Variants in LARGE1 observed in about 807,000 individuals in gnomAD.
LARGE1 encodes the protein xylosyl- and glucuronyltransferase LARGE1.
LARGE1 carries 43 observed loss-of-function variants against 87.6 expected under a neutral mutation model. The observed-to-expected ratio is 0.49, with a 90% CI of 0.38 to 0.63. The LOEUF is 0.63. Ranked by LOEUF, LARGE1 falls within the 30% of genes least tolerant of loss-of-function variation. The pLI, the probability that LARGE1 is intolerant of heterozygous loss-of-function variation, is 0.00. For synonymous variants in LARGE1, 434 were observed against 394.6 expected (o/e 1.10, Z -1.18); for missense variants, 802 against 1,000.2 (o/e 0.80, Z 2.67).
intron 5 of LARGE1, among the ~76,000 whole-genome samples, chr22:33,581,212 C>CTT (rs1300925694): frequency 3.9e-5 from 6 of 152,166 alleles, no homozygotes; most frequent in Admixed American, 3.9e-4. Context: ...AAATTTGCCC[C>CTT]TTCTGACCTT....
chr22:33,854,373 G>A (rs2063697952), intron 1 of LARGE1, among the ~76,000 whole-genome samples: 1 of 152,074 alleles, frequency 6.6e-6, no homozygotes, highest in Non-Finnish European at 1.5e-5. Flanking sequence ...TGGTCTGGGA[G>A]CATCGGTTTC....
intron 2 of LARGE1, among the ~76,000 whole-genome samples, chr22:33,695,180 T>G (rs536145401): frequency 6.6e-6 from 1 of 151,148 alleles, no homozygotes; most frequent in Non-Finnish European, 1.5e-5. Flanking sequence ...CTCAGCTCAC[T>G]GCAACCTCTG....
intron 3 of LARGE1, among the ~76,000 whole-genome samples, chr22:33,627,765 T>C (rs2079967975): frequency 3.3e-5 from 5 of 152,132 alleles, no homozygotes; most frequent in Admixed American, 2.6e-4. Context: ...TTAACCCCAA[T>C]GACCTTCACC....
chr22:33,869,193 T>G (rs529355135), intron 1 of LARGE1, among the ~76,000 whole-genome samples: 9 of 152,290 alleles, frequency 5.9e-5, no homozygotes, highest in African/African-American at 2.2e-4. Flanking sequence ...ACTTAAGATT[T>G]CTACTGCATC....
chr22:33,826,904 C>T (rs915340947), intron 1 of LARGE1, among the ~76,000 whole-genome samples: 1 of 152,162 alleles, frequency 6.6e-6, no homozygotes, highest in Non-Finnish European at 1.5e-5. Context: ...ACACCCATCT[C>T]ACCCTAGAAT....
chr22:33,194,621 A>G (rs780897841), intron 11 of LARGE1, among the ~76,000 whole-genome samples: 1 of 152,190 alleles, frequency 6.6e-6, no homozygotes, highest in African/African-American at 2.4e-5. Context: ...TGCAGTCTCT[A>G]CTAAGATTAA....
At chr22:33,680,559 A>T (rs1048161897) in intron 2 of LARGE1, among the ~76,000 whole-genome samples, 1 of 152,188 alleles carries the variant, frequency 6.6e-6, no homozygotes, top group African/African-American at 2.4e-5. Flanking sequence ...CACTCTGTCC[A>T]TATCAAACCT....
intron 11 of LARGE1, among the ~76,000 whole-genome samples, chr22:33,190,126 T>C (rs184790045): frequency 1.3e-5 from 2 of 152,038 alleles, no homozygotes; most frequent in African/African-American, 4.8e-5. Flanking sequence ...TCTGCAGTGA[T>C]AGCACTGTAT....
intron 4 of LARGE1, among the ~76,000 whole-genome samples, chr22:33,609,561 T>C (rs1432297999): frequency 6.6e-6 from 1 of 152,176 alleles, no homozygotes; most frequent in Non-Finnish European, 1.5e-5. Flanking sequence ...GGAAGTGCAG[T>C]TGACCGTTGA....
intron 6 of LARGE1, among the ~76,000 whole-genome samples, chr22:33,563,602 G>A (rs988092720): frequency 5.3e-5 from 8 of 152,102 alleles, no homozygotes; most frequent in Admixed American, 4.6e-4. Context: ...CAAGACACGG[G>A]CACTCTGATC....
the LARGE1 span, among the ~76,000 whole-genome samples, chr22:33,120,501 C>A: frequency 1.4e-5 from 2 of 147,636 alleles, no homozygotes; most frequent in Admixed American, 1.4e-4. Flanking sequence ...TTCTTTCCTT[C>A]TTTCTTTCTT....
intron 7 of LARGE1, among the ~76,000 whole-genome samples, chr22:33,398,256 C>A (rs1447933845): frequency 4.6e-5 from 7 of 152,020 alleles, no homozygotes; most frequent in Admixed American, 4.6e-4. Flanking sequence ...CAAATCCATG[C>A]CCCATCTCTA....
chr22:33,159,271 C>G (rs1029244992), downstream of LARGE1, among the ~76,000 whole-genome samples: 1 of 152,178 alleles, frequency 6.6e-6, no homozygotes, highest in African/African-American at 2.4e-5. Flanking sequence ...AAATCAAAAT[C>G]TAACACATAA....
At chr22:33,247,814 T>C (rs1433552336) in intron 11 of LARGE1, among the ~76,000 whole-genome samples, 1 of 152,200 alleles carries the variant, frequency 6.6e-6, no homozygotes, top group Admixed American at 6.5e-5. Context: ...AAGCTAGACA[T>C]AGATAACCTG....
intron 2 of LARGE1, chr22:33,744,133 G>C (rs910850186): frequency 5.9e-5 from 9 of 152,162 alleles, no homozygotes; most frequent in Non-Finnish European, 2.9e-5. Flanking sequence ...TCACAGATCT[G>C]AAGTTTATCA....
intron 1 of LARGE1, among the ~76,000 whole-genome samples, chr22:33,837,132 T>C (rs1402327312): frequency 6.6e-6 from 1 of 152,090 alleles, no homozygotes; most frequent in Non-Finnish European, 1.5e-5. Flanking sequence ...CACTGCTACA[T>C]CCATGATTGT....
chr22:33,731,362 C>T (rs998272994), intron 2 of LARGE1, among the ~76,000 whole-genome samples: 1 of 151,848 alleles, frequency 6.6e-6, no homozygotes, highest in Non-Finnish European at 1.5e-5. Flanking sequence ...GATATTGGGG[C>T]AAAACTTGGA....
chr22:33,883,086 G>A (rs1260907365), intron 1 of LARGE1, among the ~76,000 whole-genome samples: 3 of 152,156 alleles, frequency 2.0e-5, no homozygotes, highest in Non-Finnish European at 4.4e-5. Flanking sequence ...TGCCAATGCC[G>A]GAGAAGTCTG....
At chr22:33,095,710 C>T in the LARGE1 span, among the ~76,000 whole-genome samples, 1 of 152,154 alleles carries the variant, frequency 6.6e-6, no homozygotes. Flanking sequence ...CAGGTATTCG[C>T]TATGTGCCCC....
Sources: gnomAD v4.1 joint callset for allele counts (sites outside exome capture counted in the v4.1 genomes callset) on GRCh38, gnomAD v4.1.1 for gene constraint, MANE v1.5 for transcripts, NCBI Gene and HGNC (gene_info 2026-07-23, HGNC 2026-07-21) for gene names.